F3: variants seen among roughly 807,000 people sequenced by gnomAD.
F3 encodes the protein coagulation factor III, tissue factor.
F3 carries 18 observed loss-of-function variants against 33.5 expected under a neutral mutation model. That is an observed-to-expected ratio of 0.54 (90% CI 0.37 to 0.80). The LOEUF is 0.80. Ranked by LOEUF, F3 falls within the 30% of genes least tolerant of loss-of-function variation. F3 has a pLI of 0.00. For missense variants in F3, 353 were observed against 362.1 expected (o/e 0.97, Z 0.20); for synonymous variants, 147 against 140.7 (o/e 1.05, Z -0.32).
chr1:94,532,054 C>G (rs908670258), intron 5 of F3, among the ~76,000 whole-genome samples: 1 of 152,202 alleles, frequency 6.6e-6, no homozygotes, highest in Non-Finnish European at 1.5e-5. Context: ...CAGCAGAGGG[C>G]TTAGCACATG....
intron 1 of F3, chr1:94,540,625 C>A: frequency 2.5e-6 from 1 of 402,338 alleles, no homozygotes; most frequent in East Asian, 5.3e-5. Flanking sequence ...TGAAATTATT[C>A]ATGGGCAAAG....
At chr1:94,532,101 A>C (rs955528761) in intron 5 of F3, among the ~76,000 whole-genome samples, 4 of 152,248 alleles carry the variant, frequency 2.6e-5, no homozygotes, top group African/African-American at 9.6e-5. Context: ...ATACAAGGGC[A>C]CAATCAACAC....
chr1:94,536,256 T>C (rs1651603095), intron 2 of F3, 92 bp from the exon 3 acceptor site: 1 of 1,125,944 alleles, frequency 8.9e-7, no homozygotes, highest in South Asian at 1.3e-5. Context: ...TGTTCTGTGC[T>C]AACATCAGGA....
chr1:94,532,788 G>A (rs1220006576), intron 4 of F3, among the ~76,000 whole-genome samples: 1 of 152,200 alleles, frequency 6.6e-6, no homozygotes, highest in Non-Finnish European at 1.5e-5. Flanking sequence ...TTGTGCCTGG[G>A]ATCCTCAATA....
Position 94,536,149 on chromosome 1 carries a change from AT to A in F3, c.227del (p.Asp76ValfsTer21). On this transcript the variant is annotated frameshift_variant, in exon 3 of 6. Coordinates refer to ENST00000334047, the MANE Select transcript of F3 (RefSeq NM_001993.5). LOFTEE classifies it high-confidence loss of function. ...YTVQISTKSG[D>X]WKSKCFYTTD... Reference sequence around the variant, plus strand: ...TTGTGTAAAAGCATTTGCTTTTCCAATCTCCTGACTTAGTGCTAAAGAAAGA... The same window carrying A: ...TTGTGTAAAAGCATTTGCTTTTCCAACTCCTGACTTAGTGCTAAAGAAAGA... 1 of 1,614,018 alleles carries A rather than the reference AT, an allele frequency of 6.2e-7. No individual in the cohort carries two copies. Among genetic ancestry groups the A allele is most frequent in the East Asian group, 2.2e-5 (1 of 44,866 alleles).
At chr1:94,539,981 G>GA (rs1223158686) in intron 2 of F3, among the ~76,000 whole-genome samples, 3 of 152,208 alleles carry the variant, frequency 2.0e-5, no homozygotes, top group African/African-American at 7.2e-5. Context: ...GCCTACTCAA[G>GA]ATGGTTCATC....
intron 4 of F3, 163 bp downstream of exon 4, chr1:94,532,927 G>A: frequency 1.4e-6 from 1 of 691,570 alleles, no homozygotes; most frequent in Admixed American, 2.9e-5. Context: ...GGTAGGACCA[G>A]GCCTGTTGTC....
intron 1 of F3, chr1:94,540,581 C>A (rs1398880697): frequency 8.0e-6 from 4 of 497,528 alleles, no homozygotes; most frequent in Non-Finnish European, 1.4e-5. Flanking sequence ...CCTTGTAATC[C>A]CAGGACACCG....
intron 3 of F3, among the ~76,000 whole-genome samples, chr1:94,535,390 T>C (rs1651571690): frequency 6.6e-6 from 1 of 152,044 alleles, no homozygotes; most frequent in Non-Finnish European, 1.5e-5. Context: ...ATTCCACCTT[T>C]CCAAAACCAG....
intron 2 of F3, among the ~76,000 whole-genome samples, chr1:94,536,967 C>T (rs1017843444): frequency 6.6e-6 from 1 of 152,080 alleles, no homozygotes; most frequent in African/African-American, 2.4e-5. Flanking sequence ...TCCATGAGGA[C>T]ACTGAAGCTC....
intron 2 of F3, among the ~76,000 whole-genome samples, chr1:94,539,477 A>G (rs987941101): frequency 6.6e-6 from 1 of 152,224 alleles, no homozygotes; most frequent in East Asian, 1.9e-4. Context: ...ACTTTTATGT[A>G]ATTAGCATTA....
intron 5 of F3, among the ~76,000 whole-genome samples, chr1:94,530,896 T>C (rs1458804945): frequency 6.6e-6 from 1 of 152,188 alleles, no homozygotes; most frequent in Non-Finnish European, 1.5e-5. Flanking sequence ...AAAACGATGC[T>C]GAGATTGATG....
chr1:94,530,198 C>T lies in F3; in HGVS notation c.*262G>A, dbSNP rs1488097803. The T allele has an allele frequency of 1.2e-5, 4 of 333,628 alleles. No individual in the cohort carries two copies. The highest frequency in any genetic ancestry group is 2.1e-5 in the African/African-American group (1 of 47,630). 20.7% of individuals were successfully genotyped at this position (333,628 alleles called of 1,614,324 possible). A position where few individuals can be genotyped will look rare whatever the true frequency, so the allele number is the denominator to read the frequency against. ...TGAGTGCGGAATATATAATCTAAAG[C>T]ATGTTATGTGCAAAAGGTGCCATGG... On this transcript the variant is annotated 3_prime_UTR_variant, in exon 6 of 6. Transcript: ENST00000334047.
At chr1:94,532,193 T>A (rs964177890) in intron 5 of F3, 128 bp downstream of exon 5, 3 of 944,574 alleles carry the variant, frequency 3.2e-6, no homozygotes, top group African/African-American at 3.3e-5. Flanking sequence ...ACAAAAAACC[T>A]CCAGGCAGTT....
chr1:94,536,383 GC>G (rs1651607034), intron 2 of F3, among the ~76,000 whole-genome samples: 1 of 151,986 alleles, frequency 6.6e-6, no homozygotes, highest in Non-Finnish European at 1.5e-5. Context: ...TTCTGCTTCG[GC>G]CTCCCAAAGT....
At chr1:94,536,406 A>G (rs964462252) in intron 2 of F3, among the ~76,000 whole-genome samples, 3 of 152,164 alleles carry the variant, frequency 2.0e-5, no homozygotes, top group Non-Finnish European at 4.4e-5. Flanking sequence ...CTGAATGTAC[A>G]GGTGTGAGCC....
At chr1:94,536,264 G>A (rs1651603271) in intron 2 of F3, 100 bp from the exon 3 acceptor site, 1 of 1,036,854 alleles carries the variant, frequency 9.6e-7, no homozygotes, top group African/African-American at 1.6e-5. Flanking sequence ...GCTAACATCA[G>A]GAGCCCTACA....
At position 94,532,344 on chromosome 1, in the gene F3, C is replaced by A; in HGVS notation, c.728G>T (p.Gly243Val). 6.2e-7 allele frequency: 1 copy of A among 1,614,164 alleles called. No homozygotes were observed. Among genetic ancestry groups the A allele is most frequent in the Non-Finnish European group, 8.5e-7 (1 of 1,180,014 alleles). Residue 243 changes from glycine to valine, a missense_variant, in exon 5 of 6, where the codon GGC becomes GTC. Transcript: ENST00000334047. ...ACCTCTGAATTCCCCTTTCTCCTGGCCCATACACTCTACCGGGCTGTCTGT... is the reference window on the plus strand; with the variant it reads ...ACCTCTGAATTCCCCTTTCTCCTGGACCATACACTCTACCGGGCTGTCTGT... ...KSTDSPVECM[G>V]QEKGEFREIF...
intron 2 of F3, among the ~76,000 whole-genome samples, 163 bp downstream of exon 2, chr1:94,540,094 C>T (rs771665079): frequency 2.0e-5 from 3 of 152,196 alleles, no homozygotes; most frequent in Admixed American, 6.5e-5. Flanking sequence ...ATGTTGCAGG[C>T]CTAATAGAGT....
Sources: allele counts gnomAD v4.1 joint callset (sites outside exome capture counted in the v4.1 genomes callset), GRCh38; gene constraint gnomAD v4.1.1; transcripts MANE v1.5; gene names NCBI Gene and HGNC (gene_info 2026-07-23, HGNC 2026-07-21).